The following ZNF175 variants were observed in gnomAD, a reference collection of about 807,000 sequenced individuals.
The protein encoded by ZNF175 is zinc finger protein 175, also known as zinc finger protein OTK18.
In ZNF175, 8 loss-of-function variants were observed where a neutral mutation model predicts 14.0. The observed-to-expected ratio is 0.57, with a 90% CI of 0.34 to 1.03. The LOEUF (loss-of-function observed/expected upper bound fraction) is 1.03. ZNF175 is among the 50% of genes least tolerant of loss of function. ZNF175 has a pLI of 0.03. For missense variants in ZNF175, 764 were observed against 849.5 expected, an observed-to-expected ratio of 0.90 and a Z score of 1.25; for synonymous variants, 255 against 296.8, an observed-to-expected ratio of 0.86 and a Z score of 1.45.
At chr19:51,583,044 G>T (rs1051897690) in intron 4 of ZNF175, among the ~76,000 whole-genome samples, 5 of 151,962 alleles carry the variant, frequency 3.3e-5, no homozygotes, top group African/African-American at 1.2e-4. Context: ...TAGTAGAGAC[G>T]GGGTTTCTCC....
Position 51,587,892 on chromosome 19 carries a change from C to T in ZNF175, c.1561C>T (p.His521Tyr), listed in dbSNP as rs767241976. 7 of 1,614,040 alleles carry T rather than the reference C, an allele frequency of 4.3e-6. No individual in the cohort carries two copies. Among genetic ancestry groups the T allele is most frequent in the Non-Finnish European group, 5.9e-6 (7 of 1,180,034 alleles). The change falls in exon 5 of 5, where the codon CAC (histidine) becomes TAC (tyrosine). Residue 521 changes from histidine to tyrosine, a missense_variant. Coordinates refer to ENST00000262259, the MANE Select transcript of ZNF175 (RefSeq NM_007147.4). ...CACCCAAAAGTCACACCTGAATATA[C>T]ACCAGAAAATTCATACTGGAGAAAG... ...TFTQKSHLNI[H>Y]QKIHTGERHH...
At chr19:51,574,890 A>G (rs1246315733) in intron 2 of ZNF175, among the ~76,000 whole-genome samples, 1 of 152,194 alleles carries the variant, frequency 6.6e-6, no homozygotes, top group Admixed American at 6.5e-5. Context: ...CATTTGAATC[A>G]ATACTGCTGT....
intron 4 of ZNF175, among the ~76,000 whole-genome samples, chr19:51,585,019 CTGTT>C (rs983451645): frequency 6.6e-5 from 10 of 152,328 alleles, no homozygotes; most frequent in African/African-American, 2.4e-4. Flanking sequence ...ACCCAAACAG[CTGTT>C]TGTACACTCT....
At position 51,588,096 on chromosome 19, in the gene ZNF175, TGCACTGAATGTGGGAAG is replaced by T; in HGVS notation, c.1768_1784del (p.Thr590LeufsTer9). On this transcript the variant is annotated frameshift_variant, in exon 5 of 5. Transcript: ENST00000262259. LOFTEE classifies it low-confidence loss of function (END_TRUNC). ...TCACACGGGTGAGAAACCCTATGTG[TGCACTGAATGTGGGAAG>T]GCCTTCAACGGCAGGTCAAATTTCC... 6.2e-7 allele frequency: 1 copy of T among 1,614,224 alleles called. No individual in the cohort carries two copies. The highest frequency in any genetic ancestry group is 1.1e-5 in the South Asian group (1 of 91,088).
At chr19:51,581,728 G>A in intron 3 of ZNF175, 59 bp from the exon 4 acceptor site, 1 of 1,587,702 alleles carries the variant, frequency 6.3e-7, no homozygotes, top group Non-Finnish European at 8.6e-7. Flanking sequence ...AAGCTTCATT[G>A]AATGGCCTCT....
Position 51,592,417 on chromosome 19 carries a change from T to TAGATCTCGGTGGTCG in ZNF175, c.*3950_*3951insAGATCTCGGTGGTCG. 1.9e-5 allele frequency: 9 copies of TAGATCTCGGTGGTCG among 485,652 alleles called. No individual in the cohort carries two copies. The highest frequency in any genetic ancestry group is 7.8e-5 in the South Asian group (2 of 25,644). The allele number at this position is 485,652 out of a possible 1,614,324, so 30.1% of individuals were successfully genotyped here. A position where few individuals can be genotyped will look rare whatever the true frequency, so the allele number is the denominator to read the frequency against. On this transcript the variant is annotated 3_prime_UTR_variant, in exon 5 of 5. Transcript: ENST00000262259. ...AAGTCAAGCATTAGAATGGTGGCTG[T>TAGATCTCGGTGGTCG]CCACCATGAGTACAACACAAATGCT...
rs1981652275 is a variant in ZNF175 at position 51,573,254 on chromosome 19, A to C, written c.-76A>C. ...GTGTCCCTGGTTGGAAAATCCAAAC[A>C]CCTATCCAGCTTCTGGCTCCTGGGA... On this transcript the variant is annotated 5_prime_UTR_variant, in exon 2 of 5. Coordinates refer to ENST00000262259, the MANE Select transcript of ZNF175 (RefSeq NM_007147.4). 6.7e-7 allele frequency: 1 copy of C among 1,485,514 alleles called. No individual in the cohort carries two copies. The highest frequency in any genetic ancestry group is 9.4e-7 in the Non-Finnish European group (1 of 1,066,826). The allele number at this position is 1,485,514 out of a possible 1,614,324, so 92.0% of individuals were successfully genotyped here. A position where few individuals can be genotyped will look rare whatever the true frequency, so the allele number is the denominator to read the frequency against.
chr19:51,588,166 A>G lies in ZNF175; in HGVS notation c.1835A>G (p.Glu612Gly). The G allele has an allele frequency of 6.2e-7, 1 of 1,614,192 alleles. No individual in the cohort carries two copies. Among genetic ancestry groups the G allele is most frequent in the Middle Eastern group, 1.6e-4 (1 of 6,062 alleles). Residue 612 changes from glutamate to glycine, a missense_variant, in exon 5 of 5, where the codon GAG (glutamate) becomes GGG (glycine). Transcript: ENST00000262259. ...AAACATCAAATAACTCACACTAGAG[A>G]GAGGCCTTTTGTCTGTTACAAATGT... ...FHKHQITHTR[E>G]RPFVCYKCGK...
chr19:51,581,812 C>T lies in ZNF175; in HGVS notation c.225C>T (p.Val75=). 6.2e-7 allele frequency: 1 copy of T among 1,613,962 alleles called. No individual in the cohort carries two copies. ...AVGYHIPNPE[V]IFRMLKEKEP... ...GGTATCACATTCCCAACCCAGAGGT[C>T]ATCTTCAGAATGCTAAAAGAAAAGG... Residue 75 remains valine, a synonymous_variant, in exon 4 of 5, where the codon GTC becomes GTT. Transcript: ENST00000262259.
At chr19:51,580,682 A>T (rs181134022) in intron 2 of ZNF175, among the ~76,000 whole-genome samples, 83 of 152,320 alleles carry the variant, frequency 5.4e-4, no homozygotes, top group Middle Eastern at 3.4e-3. Flanking sequence ...ACTTCTTTGG[A>T]GCTTGGATGG....
At chr19:51,583,908 A>G (rs943216465) in intron 4 of ZNF175, among the ~76,000 whole-genome samples, 1 of 152,218 alleles carries the variant, frequency 6.6e-6, no homozygotes, top group Admixed American at 6.5e-5. Flanking sequence ...CATTATATCA[A>G]TGTTTAGCAT....
In ZNF175 at chr19:51,587,341, G is replaced by T; in HGVS notation, c.1010G>T (p.Cys337Phe). 6.2e-7 allele frequency: 1 copy of T among 1,614,176 alleles called. No homozygotes were observed. The highest frequency in any genetic ancestry group is 8.5e-7 in the Non-Finnish European group (1 of 1,180,032). Reference protein sequence around the residue: ...TDHTGDIPCICKECGKVFIQR... With the variant: ...TDHTGDIPCIFKECGKVFIQR... The stretch of plus-strand genomic sequence containing the variant: ...CATACAGGTGATATACCCTGTATAT[G>T]CAAGGAATGTGGGAAGGTCTTTATT... The change falls in exon 5 of 5, where the codon TGC becomes TTC. Residue 337 changes from cysteine to phenylalanine, a missense_variant. By Grantham distance (205) the Cys-to-Phe change is radical (BLOSUM62 -2). Coordinates refer to ENST00000262259, the MANE Select transcript of ZNF175 (RefSeq NM_007147.4).
At chr19:51,585,678 T>G (rs1982143297) in intron 4 of ZNF175, among the ~76,000 whole-genome samples, 1 of 152,184 alleles carries the variant, frequency 6.6e-6, no homozygotes, top group Non-Finnish European at 1.5e-5. Flanking sequence ...ACTATTATTT[T>G]TATTGAGAAC....
chr19:51,586,664 T>A lies in ZNF175; in HGVS notation c.333T>A (p.Ile111=). The A allele has an allele frequency of 6.2e-7, 1 of 1,601,330 alleles. No homozygotes were observed. Among genetic ancestry groups the A allele is most frequent in the Non-Finnish European group, 8.5e-7 (1 of 1,174,766 alleles). Reference sequence around the variant, plus strand: ...GGCTTGAAATCCCACAAAAGGAGATTTCTAAGAAAGCTTCATTTCAAAAGG... The same window carrying A: ...GGCTTGAAATCCCACAAAAGGAGATATCTAAGAAAGCTTCATTTCAAAAGG... The part of the protein sequence containing the change: ...EFGLEIPQKE[I]SKKASFQKDM... Residue 111 remains isoleucine (I), a synonymous_variant, in exon 5 of 5, where the codon ATT becomes ATA. Transcript: ENST00000262259.
Position 51,587,458 on chromosome 19 carries a change from T to C in ZNF175, c.1127T>C (p.Leu376Ser), listed in dbSNP as rs1483294187. The C allele has an allele frequency of 1.2e-6, 2 of 1,614,224 alleles. No individual in the cohort carries two copies. Among genetic ancestry groups the C allele is most frequent in the Non-Finnish European group, 1.7e-6 (2 of 1,180,038 alleles). ...TGTGGAAAAGCCTTTTTCCAGATGT[T>C]ATCTCTCTTCAGACATCAGAGAACT... ...HDCGKAFFQM[L>S]SLFRHQRTHS... Residue 376 changes from leucine to serine, a missense_variant, in exon 5 of 5, where the codon TTA becomes TCA. Physicochemically the swap from Leu to Ser is moderately radical, Grantham distance 145 (BLOSUM62 -2). Transcript: ENST00000262259.
In ZNF175 at chr19:51,591,857, C is replaced by G. The variant is rs530982201; in HGVS notation, c.*3390C>G. On this transcript the variant is annotated 3_prime_UTR_variant, in exon 5 of 5. Transcript: ENST00000262259. ...GATCTCAGCTCACTGCAAGCTCCGC[C>G]TCCCGGGTTCACGCCATTCTCCTGC... 6.6e-6 allele frequency: 1 copy of G among 151,556 alleles called. No individual in the cohort carries two copies. Among genetic ancestry groups the G allele is most frequent in the African/African-American group, 2.4e-5 (1 of 41,206 alleles). 9.4% of individuals were successfully genotyped at this position (151,556 alleles called of 1,614,324 possible).
chr19:51,579,274 A>T (rs1430452173), intron 2 of ZNF175, among the ~76,000 whole-genome samples: 1 of 126,036 alleles, frequency 7.9e-6, no homozygotes, highest in Non-Finnish European at 1.7e-5. Context: ...AAAAAAAAAA[A>T]GCTGGACATG....
intron 1 of ZNF175, 138 bp from the exon 2 acceptor site, chr19:51,573,012 C>G: frequency 3.2e-6 from 1 of 313,380 alleles, no homozygotes; most frequent in East Asian, 7.0e-5. Flanking sequence ...ATTTTTAACC[C>G]TGACTAATAA....
intron 2 of ZNF175, among the ~76,000 whole-genome samples, chr19:51,577,898 C>G (rs1039663914): frequency 6.6e-6 from 1 of 151,136 alleles, no homozygotes; most frequent in Non-Finnish European, 1.5e-5. Context: ...CTCCTGACCT[C>G]GTGATCCGCC....
Sources: allele counts gnomAD v4.1 joint callset (sites outside exome capture counted in the v4.1 genomes callset), GRCh38; gene constraint gnomAD v4.1.1; transcripts MANE v1.5; gene names NCBI Gene and HGNC (gene_info 2026-07-23, HGNC 2026-07-21).